The following PLPBP variants were observed in gnomAD, a reference collection of about 807,000 sequenced individuals.
PLPBP encodes pyridoxal phosphate binding protein, also known as pyridoxal phosphate homeostasis protein.
In PLPBP, 21 loss-of-function variants were observed where a neutral mutation model predicts 31.2. That is an observed-to-expected ratio of 0.67 (90% CI 0.48 to 0.97). PLPBP has a LOEUF of 0.97. Among genes scored for constraint, PLPBP ranks in the 50% least tolerant of loss-of-function variants. The pLI is 0.00. For missense variants in PLPBP, 308 were observed against 354.4 expected (o/e 0.87, Z 1.05); for synonymous variants, 124 against 135.6 (o/e 0.91, Z 0.59).
At chr8:37,769,060 C>T (rs1330470878) in intron 4 of PLPBP, among the ~76,000 whole-genome samples, 1 of 152,094 alleles carries the variant, frequency 6.6e-6, no homozygotes, top group Non-Finnish European at 1.5e-5. Flanking sequence ...CTAGGCCAGG[C>T]ACAGTGGCTC....
intron 1 of PLPBP, among the ~76,000 whole-genome samples, 182 bp from the exon 2 acceptor site, chr8:37,765,343 TA>T (rs1304464310): frequency 6.6e-6 from 1 of 152,220 alleles, no homozygotes; most frequent in African/African-American, 2.4e-5. Context: ...GCCATGCGCC[TA>T]AAAAACATTT....
intron 7 of PLPBP, among the ~76,000 whole-genome samples, chr8:37,776,495 A>C (rs1448131203): frequency 6.6e-6 from 1 of 150,486 alleles, no homozygotes; most frequent in Non-Finnish European, 1.5e-5. Flanking sequence ...AAAAAAAAAA[A>C]AAAAAAAACA....
chr8:37,778,001 T>C lies in PLPBP; in HGVS notation c.725T>C (p.Ile242Thr). Reference protein sequence around the residue: ...AVEVGSTNVRIGSTIFGERDY... With the variant: ...AVEVGSTNVRTGSTIFGERDY... ...GAAGTAGGATCTACAAATGTCCGAA[T>C]AGGAAGCACGATTTTTGGAGAGCGG... Residue 242 changes from isoleucine to threonine, a missense_variant, in exon 8 of 8, where the codon ATA becomes ACA. Physicochemically the swap from Ile to Thr is moderately conservative, Grantham distance 89. Transcript: ENST00000328195. The C allele has an allele frequency of 1.2e-6, 2 of 1,613,290 alleles. No individual in the cohort carries two copies. Among genetic ancestry groups the C allele is most frequent in the Non-Finnish European group, 1.7e-6 (2 of 1,179,398 alleles).
At chr8:37,776,339 G>A (rs1391103100) in intron 7 of PLPBP, among the ~76,000 whole-genome samples, 1 of 151,928 alleles carries the variant, frequency 6.6e-6, no homozygotes, top group East Asian at 1.9e-4. Flanking sequence ...AGCTGGGCGT[G>A]GTGGCGCACG....
At chr8:37,773,600 C>T (rs1233855897) in intron 5 of PLPBP, among the ~76,000 whole-genome samples, 1 of 152,000 alleles carries the variant, frequency 6.6e-6, no homozygotes, top group Admixed American at 6.6e-5. Flanking sequence ...TCCCGAGTAG[C>T]TGGGATTACA....
chr8:37,768,836 T>C (rs1222437494), intron 4 of PLPBP, among the ~76,000 whole-genome samples: 1 of 152,216 alleles, frequency 6.6e-6, no homozygotes, highest in Non-Finnish European at 1.5e-5. Flanking sequence ...TGGCCATTTT[T>C]ATGTCTTCTT....
In PLPBP at chr8:37,778,166, G is replaced by C; in HGVS notation, c.*62G>C. 6.3e-7 allele frequency: 1 copy of C among 1,577,604 alleles called. No individual in the cohort carries two copies. The highest frequency in any genetic ancestry group is 1.7e-5 in the Admixed American group (1 of 58,926). On this transcript the variant is annotated 3_prime_UTR_variant, in exon 8 of 8. Transcript: ENST00000328195. ...CTAGATTTTCATTTCGATATTCCCT[G>C]TGTCCCAGCGCAGTCCTGCTCTCCT...
chr8:37,765,833 C>A, intron 3 of PLPBP, 87 bp downstream of exon 3: 1 of 1,458,862 alleles, frequency 6.9e-7, no homozygotes. Context: ...TTGAGTTGTA[C>A]AGCAGTTTTA....
intron 1 of PLPBP, among the ~76,000 whole-genome samples, chr8:37,763,121 C>T (rs1296384246): frequency 6.6e-6 from 1 of 152,100 alleles, no homozygotes; most frequent in East Asian, 1.9e-4. Flanking sequence ...TACAAGAGCA[C>T]CCCGCGGAGG....
intron 7 of PLPBP, among the ~76,000 whole-genome samples, chr8:37,776,478 C>CAAAAAAAAAAAAAAAAAAAAA (rs915875297): frequency 9.4e-5 from 1 of 10,640 alleles, no homozygotes; most frequent in African/African-American, 3.8e-4. Flanking sequence ...GACTCCATCT[C>CAAAAAAAAAAAAAAAAAAAAA]AAAAAAAAAA....
intron 5 of PLPBP, among the ~76,000 whole-genome samples, chr8:37,774,450 T>C (rs1310700553): frequency 1.3e-5 from 2 of 152,216 alleles, no homozygotes; most frequent in East Asian, 3.9e-4. Flanking sequence ...TCAGAGGGTG[T>C]GGTTAGGACT....
chr8:37,772,688 TTTGTTGCA>T, intron 4 of PLPBP, 59 bp from the exon 5 acceptor site: 1 of 1,567,858 alleles, frequency 6.4e-7, no homozygotes, highest in East Asian at 2.3e-5. Flanking sequence ...AAGTCAGAGA[TTTGTTGCA>T]TGTTACTTGC....
rs748848238 is a variant in PLPBP, at chr8:37,762,706, C to T, written c.47C>T (p.Ala16Val). Reference sequence around the variant, plus strand: ...TCGGCCGAGCTGGGAGTCGGGTGCGCATTGCGGGCGGTGAACGAGCGCGTG... The same window carrying T: ...TCGGCCGAGCTGGGAGTCGGGTGCGTATTGCGGGCGGTGAACGAGCGCGTG... The part of the protein sequence containing the change: ...SMSAELGVGC[A>V]LRAVNERVQQ... Residue 16 changes from alanine to valine, a missense_variant, in exon 1 of 8, where the codon GCA becomes GTA. Ala to Val is a moderately conservative substitution (Grantham distance 64, BLOSUM62 0). This residue lies in a region of PLPBP where 120 missense variants were observed against 95.1 expected (regional missense o/e 1.26). Coordinates refer to ENST00000328195, the MANE Select transcript of PLPBP (RefSeq NM_007198.4). 1 of 1,591,282 alleles carries T rather than the reference C, an allele frequency of 6.3e-7. No individual in the cohort carries two copies. Among genetic ancestry groups the T allele is most frequent in the East Asian group, 2.3e-5 (1 of 44,220 alleles).
chr8:37,762,633 C>T (rs1330886168), upstream of PLPBP: 17 of 1,554,082 alleles, frequency 1.1e-5, no homozygotes, highest in Middle Eastern at 1.7e-4. Context: ...TGCCGGGGGC[C>T]TGGGGCTCGG....
In PLPBP at chr8:37,776,912, G is replaced by A. The variant is rs533026160; in HGVS notation, c.696+896G>A. 7.2e-5 allele frequency among the ~76,000 whole-genome samples: 11 copies of A among 152,108 alleles called. No homozygotes were observed. In the South Asian group the frequency reaches 1.7e-3, roughly 23 times the overall value. On this transcript the variant is annotated intron_variant, in intron 7 of 7. Coordinates refer to ENST00000328195, the MANE Select transcript of PLPBP (RefSeq NM_007198.4). ...CTCCCAAGTAGCTGGGATTACAGGC[G>A]CCTGCCACAATGCCCAGCTAATTTT...
chr8:37,766,189 A>T, intron 3 of PLPBP, 91 bp from the exon 4 acceptor site: 1 of 862,548 alleles, frequency 1.2e-6, no homozygotes, highest in South Asian at 1.6e-5. Flanking sequence ...CAGAGAGTGG[A>T]TGTGAAAGGT....
At chr8:37,768,536 G>A (rs931527693) in intron 4 of PLPBP, among the ~76,000 whole-genome samples, 3 of 144,412 alleles carry the variant, frequency 2.1e-5, no homozygotes, top group Admixed American at 7.3e-5. Flanking sequence ...GCAGTGGTGC[G>A]ATCTCAGCTT....
chr8:37,777,678 A>G (rs947719025), intron 7 of PLPBP, among the ~76,000 whole-genome samples: 1 of 152,102 alleles, frequency 6.6e-6, no homozygotes, highest in South Asian at 2.1e-4. Context: ...GGTTCAAGCA[A>G]TTCTCCTGCT....
At position 37,779,667 on chromosome 8, in the gene PLPBP, G is replaced by C. The variant is rs1164341047; in HGVS notation, c.*1563G>C. ...TATGATTCCTGTATTATTTCAGTGA[G>C]AGCTACAGTGTGATATTTCAGAGTC... On this transcript the variant is annotated 3_prime_UTR_variant, in exon 8 of 8. Coordinates refer to ENST00000328195, the MANE Select transcript of PLPBP (RefSeq NM_007198.4). 1 of 152,668 alleles carries C rather than the reference G, an allele frequency of 6.6e-6. No individual in the cohort carries two copies. Among genetic ancestry groups the C allele is most frequent in the African/African-American group, 2.4e-5 (1 of 41,456 alleles). 9.5% of individuals were successfully genotyped at this position (152,668 alleles called of 1,614,324 possible). A position where few individuals can be genotyped will look rare whatever the true frequency, so the allele number is the denominator to read the frequency against.
Sources: allele counts gnomAD v4.1 joint callset (sites outside exome capture counted in the v4.1 genomes callset), GRCh38; gene constraint gnomAD v4.1.1; regional missense constraint gnomAD v4.1.1; transcripts MANE v1.5; gene names NCBI Gene and HGNC (gene_info 2026-07-23, HGNC 2026-07-21).